RHEB: variants seen among roughly 807,000 people sequenced by gnomAD.
RHEB encodes the protein Ras homolog, mTORC1 binding, also known as GTP-binding protein Rheb.
RHEB carries 2 observed loss-of-function variants against 28.8 expected under a neutral mutation model. The observed-to-expected ratio is 0.07, with a 90% CI of 0.03 to 0.22. RHEB has a LOEUF of 0.22. Among genes scored for constraint, RHEB ranks in the 10% least tolerant of loss-of-function variants. The pLI, the probability that RHEB is intolerant of heterozygous loss-of-function variation, is 1.00. For synonymous variants in RHEB, 69 were observed against 77.3 expected, an observed-to-expected ratio of 0.89 and a Z score of 0.56; for missense variants, 76 against 219.9, an observed-to-expected ratio of 0.35 and a Z score of 4.14.
intron 1 of RHEB, among the ~76,000 whole-genome samples, chr7:151,507,400 C>T (rs62479815): frequency 0.45 from 66,760 of 148,576 alleles, 15,379 homozygotes; most frequent in South Asian, 0.6. Context: ...TACACACACA[C>T]ATATATATAG....
At chr7:151,471,483 T>C in intron 5 of RHEB, 42 bp from the exon 6 acceptor site, 1 of 1,548,692 alleles carries the variant, frequency 6.5e-7, no homozygotes, top group Non-Finnish European at 8.9e-7. Flanking sequence ...AGTGCCAGAT[T>C]GTATTGCTCA....
At chr7:151,483,516 C>T (rs1462126514) in intron 3 of RHEB, among the ~76,000 whole-genome samples, 2 of 152,056 alleles carry the variant, frequency 1.3e-5, no homozygotes, top group Non-Finnish European at 2.9e-5. Flanking sequence ...GTCAGGAGTT[C>T]AAGACCAGCC....
chr7:151,494,200 C>G (rs1802635619), intron 1 of RHEB, among the ~76,000 whole-genome samples: 1 of 152,120 alleles, frequency 6.6e-6, no homozygotes, highest in Non-Finnish European at 1.5e-5. Context: ...TAGAACTGGA[C>G]TAAAAATAGT....
chr7:151,511,857 G>T (rs954811145), intron 1 of RHEB, among the ~76,000 whole-genome samples: 4 of 152,136 alleles, frequency 2.6e-5, no homozygotes, highest in African/African-American at 9.7e-5. Context: ...CGCCAGGTTG[G>T]CCAGGCTGGT....
intron 1 of RHEB, chr7:151,502,871 T>G: frequency 1.1e-6 from 1 of 873,930 alleles, no homozygotes; most frequent in Non-Finnish European, 2.0e-6. Flanking sequence ...ACTAAGTCAA[T>G]CTGATATGTT....
At chr7:151,486,240 T>G (rs1309106070) in intron 2 of RHEB, among the ~76,000 whole-genome samples, 1 of 152,224 alleles carries the variant, frequency 6.6e-6, no homozygotes, top group Admixed American at 6.6e-5. Context: ...ACCAGTGACC[T>G]TCAATTAGAA....
chr7:151,467,827 G>A (rs1802094018), intron 7 of RHEB, among the ~76,000 whole-genome samples: 1 of 152,152 alleles, frequency 6.6e-6, no homozygotes, highest in South Asian at 2.1e-4. Flanking sequence ...CTTCACCACA[G>A]ACAGGAATCA....
At chr7:151,519,201 G>T (rs868460086) in intron 1 of RHEB, 81 of 169,356 alleles carry the variant, frequency 4.8e-4, no homozygotes, top group African/African-American at 1.6e-3. Context: ...CCCGCCCCGC[G>T]CCTCCCACGC....
At chr7:151,478,435 G>A (rs917596181) in intron 3 of RHEB, among the ~76,000 whole-genome samples, 1 of 150,950 alleles carries the variant, frequency 6.6e-6, no homozygotes, top group Non-Finnish European at 1.5e-5. Context: ...TAAATTCTTT[G>A]ATATAATAAA....
At chr7:151,480,187 C>T (rs1802357479) in intron 3 of RHEB, among the ~76,000 whole-genome samples, 1 of 152,002 alleles carries the variant, frequency 6.6e-6, no homozygotes, top group Non-Finnish European at 1.5e-5. Flanking sequence ...GCATTATTAC[C>T]CTATGTCTAA....
Position 151,468,097 on chromosome 7 carries a change from G to A in RHEB, c.463-886C>T. ...TCAGAAGCCCCACAGGAAGTACCCTGTTCTCCTAATCACCAAGAATCCCCC... is the reference window on the plus strand; with the variant it reads ...TCAGAAGCCCCACAGGAAGTACCCTATTCTCCTAATCACCAAGAATCCCCC... On this transcript the variant is annotated intron_variant, in intron 7 of 7. Coordinates refer to ENST00000262187, the MANE Select transcript of RHEB (RefSeq NM_005614.4). The surrounding 1 kb of genome is among the most constrained non-coding windows in gnomAD (Gnocchi z 4.3). Among the ~76,000 whole-genome samples, 1 of 151,812 alleles carries A rather than the reference G, an allele frequency of 6.6e-6. No individual in the cohort carries two copies. The highest frequency in any genetic ancestry group is 2.4e-5 in the African/African-American group (1 of 41,318).
intron 6 of RHEB, among the ~76,000 whole-genome samples, chr7:151,471,121 C>T (rs1028947744): frequency 1.3e-5 from 2 of 152,244 alleles, no homozygotes; most frequent in African/African-American, 4.8e-5. Context: ...ACTCAAAAAC[C>T]ACTTGCTGCA....
At position 151,468,727 on chromosome 7, in the gene RHEB, T is replaced by C. The variant is rs1349500010; in HGVS notation, c.463-1516A>G. On this transcript the variant is annotated intron_variant, in intron 7 of 7. Transcript: ENST00000262187. The surrounding 1 kb of genome is among the most constrained non-coding windows in gnomAD (Gnocchi z 4.3). The stretch of plus-strand genomic sequence containing the variant: ...GGCTCCCATCCTCAGCCTTCTGTCC[T>C]GTTGGTATGAATGAGGCGTCTGTCC... Among the ~76,000 whole-genome samples the C allele has an allele frequency of 1.3e-5, 2 of 152,226 alleles. No homozygotes were observed. Among genetic ancestry groups the C allele is most frequent in the Non-Finnish European group, 2.9e-5 (2 of 68,044 alleles).
chr7:151,484,676 T>A, intron 3 of RHEB, 61 bp downstream of exon 3: 1 of 1,244,760 alleles, frequency 8.0e-7, no homozygotes, highest in South Asian at 1.2e-5. Flanking sequence ...TAAAAATCAG[T>A]GCTAGGACCA....
At chr7:151,483,288 C>T (rs896431403) in intron 3 of RHEB, among the ~76,000 whole-genome samples, 2 of 152,208 alleles carry the variant, frequency 1.3e-5, no homozygotes, top group Non-Finnish European at 2.9e-5. Context: ...GGAATTCATT[C>T]CAAACCCACA....
intron 1 of RHEB, among the ~76,000 whole-genome samples, chr7:151,513,892 AC>A (rs940227834): frequency 1.3e-5 from 2 of 152,236 alleles, no homozygotes; most frequent in African/African-American, 4.8e-5. Flanking sequence ...TTTGGCAGAA[AC>A]TGGCAATCTA....
chr7:151,493,214 C>T (rs937717094), intron 1 of RHEB, among the ~76,000 whole-genome samples: 51 of 152,176 alleles, frequency 3.4e-4, no homozygotes, highest in African/African-American at 1.1e-3. Flanking sequence ...TGACCTCATC[C>T]GCCAACAGCC....
At chr7:151,494,836 A>G (rs1186373981) in intron 1 of RHEB, among the ~76,000 whole-genome samples, 1 of 152,234 alleles carries the variant, frequency 6.6e-6, no homozygotes. Context: ...ATTTGCTAAC[A>G]TGCTGTTTTT....
In RHEB at chr7:151,481,644, A is replaced by G. The variant is rs7777922; in HGVS notation, c.192+3093T>C. Reference sequence around the variant, plus strand: ...CCATCCTGAGCTGTAAATAAAGAGCACATCTTTAATTTATTGTCTCTCAAC... The same window carrying G: ...CCATCCTGAGCTGTAAATAAAGAGCGCATCTTTAATTTATTGTCTCTCAAC... On this transcript the variant is annotated intron_variant, in intron 3 of 7. Transcript: ENST00000262187. 4.7e-3 allele frequency among the ~76,000 whole-genome samples: 710 copies of G among 152,386 alleles called. 4 individuals carry two copies. Among genetic ancestry groups the G allele is most frequent in the African/African-American group, 0.016 (673 of 41,590 alleles).
Sources: allele counts gnomAD v4.1 joint callset (sites outside exome capture counted in the v4.1 genomes callset), GRCh38; gene constraint gnomAD v4.1.1; non-coding constraint Gnocchi (gnomAD v3.1); transcripts MANE v1.5; gene names NCBI Gene and HGNC (gene_info 2026-07-23, HGNC 2026-07-21).